COL25A1: variants seen among roughly 807,000 people sequenced by gnomAD.
The protein encoded by COL25A1 is collagen type XXV alpha 1 chain, also known as collagen alpha-1(XXV) chain.
COL25A1 carries 103 observed loss-of-function variants against 128.4 expected under a neutral mutation model. The observed-to-expected ratio is 0.80, with a 90% CI of 0.68 to 0.94. The LOEUF is 0.94. Ranked by LOEUF, COL25A1 falls within the 40% of genes least tolerant of loss-of-function variation. COL25A1 has a pLI of 0.00. For synonymous variants in COL25A1, 279 were observed against 277.2 expected, an observed-to-expected ratio of 1.01 and a Z score of -0.06; for missense variants, 745 against 840.0, an observed-to-expected ratio of 0.89 and a Z score of 1.40.
intron 3 of COL25A1, among the ~76,000 whole-genome samples, chr4:109,118,126 CA>C (rs1347148799): frequency 6.6e-6 from 1 of 151,604 alleles, no homozygotes; most frequent in Non-Finnish European, 1.5e-5. Context: ...CAGAAATTAT[CA>C]GAGTAAATAA....
intron 3 of COL25A1, among the ~76,000 whole-genome samples, chr4:109,287,590 A>G (rs1046691146): frequency 4.6e-5 from 7 of 152,148 alleles, no homozygotes; most frequent in African/African-American, 7.2e-5. Flanking sequence ...CTTTTAAATG[A>G]AGATAAATAT....
intron 3 of COL25A1, among the ~76,000 whole-genome samples, chr4:109,094,296 C>A (rs1435540293): frequency 3.3e-5 from 5 of 152,170 alleles, no homozygotes; most frequent in Non-Finnish European, 7.3e-5. Context: ...TCATTCAGAT[C>A]CTGCCAGAAG....
intron 3 of COL25A1, among the ~76,000 whole-genome samples, chr4:109,203,075 G>T (rs1225316785): frequency 1.3e-5 from 2 of 152,038 alleles, no homozygotes; most frequent in Admixed American, 1.3e-4. Context: ...AAAAGTCCCT[G>T]GCCCCAGGTC....
At chr4:109,222,668 A>G (rs772806174) in intron 3 of COL25A1, among the ~76,000 whole-genome samples, 11 of 152,190 alleles carry the variant, frequency 7.2e-5, no homozygotes, top group Non-Finnish European at 1.3e-4. Context: ...CTATTCCCTC[A>G]GTGACCCAAG....
chr4:109,090,501 A>C (rs1469141698), intron 3 of COL25A1, among the ~76,000 whole-genome samples: 2 of 152,230 alleles, frequency 1.3e-5, no homozygotes, highest in African/African-American at 4.8e-5. Context: ...TTCAGAATTT[A>C]AAATTAAAAT....
intron 31 of COL25A1, among the ~76,000 whole-genome samples, chr4:108,838,350 C>T (rs929282301): frequency 2.6e-5 from 4 of 152,178 alleles, no homozygotes; most frequent in Non-Finnish European, 5.9e-5. Flanking sequence ...AGTTACTAAA[C>T]TGACATCAAC....
chr4:109,299,967 A>G (rs1186450200), intron 3 of COL25A1, among the ~76,000 whole-genome samples: 1 of 152,182 alleles, frequency 6.6e-6, no homozygotes, highest in Non-Finnish European at 1.5e-5. Context: ...TACACAGGAA[A>G]AAAAGGTAAA....
chr4:108,843,212 AAAG>A (rs1045655317), intron 30 of COL25A1, among the ~76,000 whole-genome samples: 1 of 151,932 alleles, frequency 6.6e-6, no homozygotes, highest in Admixed American at 6.6e-5. Context: ...AAGAAGGAAG[AAAG>A]AAGAAGAAAA....
At chr4:109,188,245 G>A (rs1775306407) in intron 3 of COL25A1, among the ~76,000 whole-genome samples, 1 of 152,102 alleles carries the variant, frequency 6.6e-6, no homozygotes, top group Non-Finnish European at 1.5e-5. Context: ...TGCTCCTCAT[G>A]CCCTATCCAG....
intron 3 of COL25A1, among the ~76,000 whole-genome samples, chr4:109,152,417 G>C (rs148527328): frequency 3.3e-5 from 5 of 152,116 alleles, no homozygotes; most frequent in African/African-American, 1.2e-4. Flanking sequence ...AAAGTATATA[G>C]AGCTATTCTG....
chr4:109,130,728 T>C (rs1342642253), intron 3 of COL25A1, among the ~76,000 whole-genome samples: 1 of 152,208 alleles, frequency 6.6e-6, no homozygotes, highest in East Asian at 1.9e-4. Context: ...TGGGTCAATA[T>C]CTGGCAAGAA....
chr4:109,294,471 T>A (rs1724782156), intron 3 of COL25A1, among the ~76,000 whole-genome samples: 2 of 152,134 alleles, frequency 1.3e-5, no homozygotes, highest in Admixed American at 6.6e-5. Flanking sequence ...AAGCAGTAAC[T>A]ATCCATGTCT....
At chr4:108,882,057 A>G (rs566956961) in intron 19 of COL25A1, among the ~76,000 whole-genome samples, 3 of 152,262 alleles carry the variant, frequency 2.0e-5, no homozygotes, top group African/African-American at 7.2e-5. Context: ...GACAAACTCC[A>G]TCTGGCCATT....
intron 11 of COL25A1, among the ~76,000 whole-genome samples, chr4:108,926,532 G>A (rs1455641286): frequency 6.6e-6 from 1 of 152,134 alleles, no homozygotes; most frequent in Non-Finnish European, 1.5e-5. Flanking sequence ...CCAAAGGGAA[G>A]AATGATAACA....
intron 3 of COL25A1, among the ~76,000 whole-genome samples, chr4:109,225,020 G>C (rs1366909553): frequency 6.6e-6 from 1 of 152,094 alleles, no homozygotes; most frequent in Non-Finnish European, 1.5e-5. Flanking sequence ...GACTTAATCA[G>C]CCTAGAGTAA....
At chr4:109,181,242 G>A (rs887121327) in intron 3 of COL25A1, among the ~76,000 whole-genome samples, 1 of 152,102 alleles carries the variant, frequency 6.6e-6, no homozygotes, top group African/African-American at 2.4e-5. Flanking sequence ...TTGAGGATCT[G>A]AAAAAGCTAT....
chr4:109,302,013 G>A lies in COL25A1; in HGVS notation c.7C>T (p.Leu3=), dbSNP rs577543045. The stretch of plus-strand genomic sequence containing the variant: ...CCTCCTTTCCCTGCGTGCTTCTTCA[G>A]CAGCATCGTGGCGGGGTCGGCCGTC... ML[L]KKHAGKGGGR... The change falls in exon 2 of 38, where the codon CTG becomes TTG. Residue 3 remains leucine (L), a synonymous_variant. Transcript: ENST00000399132. 6.3e-7 allele frequency: 1 copy of A among 1,588,114 alleles called. No individual in the cohort carries two copies. The highest frequency in any genetic ancestry group is 8.6e-7 in the Non-Finnish European group (1 of 1,168,778).
chr4:108,910,982 T>C (rs889712320), intron 13 of COL25A1, among the ~76,000 whole-genome samples: 4 of 152,210 alleles, frequency 2.6e-5, no homozygotes, highest in Non-Finnish European at 5.9e-5. Context: ...CCCTTGGCAA[T>C]GTGGCCTGGT....
Position 108,899,194 on chromosome 4 carries a change from CAG to C in COL25A1, c.835-16_835-15del, listed in dbSNP as rs1314687733. ...TCCAGGTTCTCCCTGAGCAAAAAGA[CAG>C]AGATTGGGTGACATCAAATCATAAA... On this transcript the variant is annotated splice_polypyrimidine_tract_variant and intron_variant, in intron 14 of 37. Coordinates refer to ENST00000399132, the MANE Select transcript of COL25A1 (RefSeq NM_198721.4). 1 of 1,606,896 alleles carries C rather than the reference CAG, an allele frequency of 6.2e-7. No individual in the cohort carries two copies.
Sources: allele counts gnomAD v4.1 joint callset (sites outside exome capture counted in the v4.1 genomes callset), GRCh38; gene constraint gnomAD v4.1.1; transcripts MANE v1.5; gene names NCBI Gene and HGNC (gene_info 2026-07-23, HGNC 2026-07-21).